The following SNRNP200 variants were observed in gnomAD, a reference collection of about 807,000 sequenced individuals.
SNRNP200 encodes the protein U5 small nuclear ribonucleoprotein 200 kDa helicase.
In SNRNP200, 66 loss-of-function variants were observed where a neutral mutation model predicts 255.2. That is an observed-to-expected ratio of 0.26 (90% confidence interval 0.21 to 0.32). The LOEUF is 0.32. Ranked by LOEUF, SNRNP200 falls within the 10% of genes least tolerant of loss-of-function variation. The pLI is 1.00. For missense variants in SNRNP200, 1,585 were observed against 2,749.8 expected (o/e 0.58, Z 9.47); for synonymous variants, 939 against 1,027.8 (o/e 0.91, Z 1.65).
At chr2:96,298,137 T>G in intron 9 of SNRNP200, 147 bp downstream of exon 9, 1 of 1,157,018 alleles carries the variant, frequency 8.6e-7, no homozygotes. Context: ...GATGTGTTGA[T>G]TCTAACCTGT....
At position 96,290,250 on chromosome 2, in the gene SNRNP200, A is replaced by G. The variant is rs2063876068; in HGVS notation, c.2742+76T>C. On this transcript the variant is annotated intron_variant, in intron 20 of 44. Coordinates refer to ENST00000323853, the MANE Select transcript of SNRNP200 (RefSeq NM_014014.5). The surrounding 1 kb of genome is among the most constrained non-coding windows in gnomAD (Gnocchi z 4.5). Reference sequence around the variant, plus strand: ...CTCGGACGCTGCTGGCCCGCAGCACAATAGGGACCGACCCACTCCTGGTGC... The same window carrying G: ...CTCGGACGCTGCTGGCCCGCAGCACGATAGGGACCGACCCACTCCTGGTGC... 2.0e-6 allele frequency: 3 copies of G among 1,517,932 alleles called. No homozygotes were observed. Among genetic ancestry groups the G allele is most frequent in the African/African-American group, 1.4e-5 (1 of 72,946 alleles). 94.0% of individuals were successfully genotyped at this position (1,517,932 alleles called of 1,614,324 possible). A position where few individuals can be genotyped will look rare whatever the true frequency, so the allele number is the denominator to read the frequency against.
In SNRNP200 at chr2:96,277,964, G is replaced by GA; in HGVS notation, c.5611-15dup. On this transcript the variant is annotated splice_polypyrimidine_tract_variant and intron_variant, in intron 39 of 44. Transcript: ENST00000323853. The surrounding 1 kb of genome is among the most constrained non-coding windows in gnomAD (Gnocchi z 4.4). ...CTTCTGAGCCAACTACAAAGTGGAA[G>GA]AAAAATAGCTGGTGATGAACAGGTG... 1 of 1,614,200 alleles carries GA rather than the reference G, an allele frequency of 6.2e-7. No homozygotes were observed. The highest frequency in any genetic ancestry group is 8.5e-7 in the Non-Finnish European group (1 of 1,180,036).
chr2:96,274,968 T>A lies in SNRNP200; in HGVS notation c.*44A>T. 6.2e-7 allele frequency: 1 copy of A among 1,609,934 alleles called. No homozygotes were observed. The highest frequency in any genetic ancestry group is 8.5e-7 in the Non-Finnish European group (1 of 1,177,766). On this transcript the variant is annotated 3_prime_UTR_variant, in exon 45 of 45. Coordinates refer to ENST00000323853, the MANE Select transcript of SNRNP200 (RefSeq NM_014014.5). ...ATTCCTACAATGTACACATTCCTAA[T>A]TCAGGCTCAACTCTCCTTTACCCAA...
Position 96,297,461 on chromosome 2 carries a change from G to A in SNRNP200, c.1279C>T (p.Arg427Cys). 1.9e-6 allele frequency: 3 copies of A among 1,614,124 alleles called. No homozygotes were observed. Among genetic ancestry groups the A allele is most frequent in the Non-Finnish European group, 2.5e-6 (3 of 1,180,008 alleles). The change falls in exon 11 of 45, where the codon CGC (arginine) becomes TGC (cysteine). Residue 427 changes from arginine (R) to cysteine (C), a missense_variant. By Grantham distance (180) the Arg-to-Cys change is radical. This residue lies in a region of SNRNP200 where 383 missense variants were observed against 645.3 expected (regional missense o/e 0.59). Coordinates refer to ENST00000323853, the MANE Select transcript of SNRNP200 (RefSeq NM_014014.5). ...TQGSHFMANK[R>C]CQLPDGSFRR... The stretch of plus-strand genomic sequence containing the variant: ...AAGGATCCATCAGGAAGCTGACAGC[G>A]TTTATTGGCCATAAAGTGGCTCCCT...
Position 96,298,902 on chromosome 2 carries a change from T to C in SNRNP200, c.795A>G (p.Ala265=). ...KKDLHPRDID[A]FWLQRQLSRF... is the part of the protein sequence containing the mutation. ...GACTGAGCTGCCGCTGCAGCCAAAA[T>C]GCATCAATATCCCGAGGGTGCAAAT... The change falls in exon 7 of 45, where the codon GCA becomes GCG. Residue 265 remains alanine (A), a synonymous_variant. Coordinates refer to ENST00000323853, the MANE Select transcript of SNRNP200 (RefSeq NM_014014.5). 2 of 1,614,184 alleles carry C rather than the reference T, an allele frequency of 1.2e-6. No individual in the cohort carries two copies. The highest frequency in any genetic ancestry group is 1.6e-4 in the Middle Eastern group (1 of 6,062).
chr2:96,301,588 A>G lies in SNRNP200; in HGVS notation c.510T>C (p.His170=), dbSNP rs916125384. ...LLGQTDDTRY[H]VLVNLGKKIT... Reference sequence around the variant, plus strand: ...TCTTTTTGCCCAGGTTCACTAGCACATGGTATCTGGTATCATCTGTTTGAC... The same window carrying G: ...TCTTTTTGCCCAGGTTCACTAGCACGTGGTATCTGGTATCATCTGTTTGAC... Residue 170 remains histidine (H), a synonymous_variant, in exon 4 of 45, where the codon CAT becomes CAC. Coordinates refer to ENST00000323853, the MANE Select transcript of SNRNP200 (RefSeq NM_014014.5). 2.5e-6 allele frequency: 4 copies of G among 1,614,190 alleles called. No individual in the cohort carries two copies. The highest frequency in any genetic ancestry group is 2.2e-5 in the East Asian group (1 of 44,884).
Position 96,283,692 on chromosome 2 carries a change from G to C in SNRNP200, c.4606C>G (p.Gln1536Glu). ...HIQGFNISHTQTRLLSMAKPV... is the reference protein window; with the variant it reads ...HIQGFNISHTETRLLSMAKPV... ...TTGGCCATGGAGAGCAGGCGGGTTT[G>C]TGTATGGCTGATGTTGAAGCCCTGG... is the stretch of plus-strand genomic sequence containing the variant. The change falls in exon 33 of 45, where the codon CAA (glutamine) becomes GAA (glutamate). Residue 1536 changes from glutamine to glutamate, a missense_variant. By Grantham distance (29) the Gln-to-Glu change is conservative (BLOSUM62 2). Around this residue, in one of 9 missense-constraint regions of SNRNP200, gnomAD observed 719 missense variants for 1,091.1 expected, o/e 0.66. Coordinates refer to ENST00000323853, the MANE Select transcript of SNRNP200 (RefSeq NM_014014.5). The surrounding 1 kb of genome is among the most constrained non-coding windows in gnomAD (Gnocchi z 4.7). The C allele has an allele frequency of 6.2e-7, 1 of 1,614,068 alleles. No homozygotes were observed. The highest frequency in any genetic ancestry group is 2.2e-5 in the East Asian group (1 of 44,886).
At position 96,287,541 on chromosome 2, in the gene SNRNP200, G is replaced by A; in HGVS notation, c.3382C>T (p.Pro1128Ser). The change falls in exon 26 of 45, where the codon CCT becomes TCT. Residue 1128 changes from proline (P) to serine (S), a missense_variant. Coordinates refer to ENST00000323853, the MANE Select transcript of SNRNP200 (RefSeq NM_014014.5). This position sits in a 1 kb window ranked among gnomAD's most constrained non-coding sequence, Gnocchi z 5.7. The part of the protein sequence containing the change: ...IDKRMWQSMC[P>S]LRQFRKLPEE... The stretch of plus-strand genomic sequence containing the variant: ...GGGAGTTTCCGGAACTGGCGCAGAG[G>A]ACACATGGACTGCCACCTATCCAGG... 1 of 1,613,822 alleles carries A rather than the reference G, an allele frequency of 6.2e-7. No homozygotes were observed. Among genetic ancestry groups the A allele is most frequent in the South Asian group, 1.1e-5 (1 of 91,064 alleles).
Position 96,291,451 on chromosome 2 carries a change from C to G in SNRNP200, c.2362G>C (p.Gly788Arg). Residue 788 changes from glycine to arginine, a missense_variant, in exon 18 of 45, where the codon GGC becomes CGC. Physicochemically the swap from Gly to Arg is moderately radical, Grantham distance 125 (BLOSUM62 -2). Coordinates refer to ENST00000323853, the MANE Select transcript of SNRNP200 (RefSeq NM_014014.5). This position sits in a 1 kb window ranked among gnomAD's most constrained non-coding sequence, Gnocchi z 4.2. ...AGTGTTCGGTCAACCCTGGTCATGC[C>G]TGCGTGATGAATAGCAAAGCCATAA... The part of the protein sequence containing the change: ...LPYGFAIHHA[G>R]MTRVDRTLVE... 1 of 1,613,780 alleles carries G rather than the reference C, an allele frequency of 6.2e-7. No homozygotes were observed. The highest frequency in any genetic ancestry group is 2.2e-5 in the East Asian group (1 of 44,878).
intron 24 of SNRNP200, among the ~76,000 whole-genome samples, chr2:96,288,171 C>A (rs985694377): frequency 6.6e-6 from 1 of 152,172 alleles, no homozygotes; most frequent in Non-Finnish European, 1.5e-5. Context: ...AAGAGTGCTG[C>A]GGCTCAAGGT....
chr2:96,285,231 G>T lies in SNRNP200; in HGVS notation c.4113C>A (p.Ser1371Arg), dbSNP rs764813333. The T allele has an allele frequency of 6.2e-7, 1 of 1,614,168 alleles. No homozygotes were observed. Among genetic ancestry groups the T allele is most frequent in the Non-Finnish European group, 8.5e-7 (1 of 1,180,030 alleles). The change falls in exon 30 of 45, where the codon AGC (serine) becomes AGA (arginine). Residue 1371 changes from serine to arginine, a missense_variant. Around this residue, in one of 9 missense-constraint regions of SNRNP200, gnomAD observed 719 missense variants for 1,091.1 expected, o/e 0.66. Coordinates refer to ENST00000323853, the MANE Select transcript of SNRNP200 (RefSeq NM_014014.5). ...EFAILRMLLQ[S>R]SEGRCVYITP... is the part of the protein sequence containing the mutation. ...TGATGTACACACAGCGCCCCTCCGAGCTCTGCAGCAGCATTCGCAGGATGG... is the reference window on the plus strand; with the variant it reads ...TGATGTACACACAGCGCCCCTCCGATCTCTGCAGCAGCATTCGCAGGATGG...
chr2:96,282,529 C>T (rs929767453), intron 34 of SNRNP200: 3 of 176,112 alleles, frequency 1.7e-5, no homozygotes, highest in Non-Finnish European at 2.5e-5. Context: ...CACCAAATCT[C>T]GTCGACCTGT....
In SNRNP200 at chr2:96,283,271, A is replaced by G; in HGVS notation, c.4845T>C (p.Asn1615=). 6.2e-7 allele frequency: 1 copy of G among 1,613,850 alleles called. No individual in the cohort carries two copies. The highest frequency in any genetic ancestry group is 8.5e-7 in the Non-Finnish European group (1 of 1,180,010). The change falls in exon 34 of 45, where the codon AAT becomes AAC. Residue 1615 remains asparagine (N), a synonymous_variant. Coordinates refer to ENST00000323853, the MANE Select transcript of SNRNP200 (RefSeq NM_014014.5). This position sits in a 1 kb window ranked among gnomAD's most constrained non-coding sequence, Gnocchi z 4.7. ...SDSTLKETLL[N]GVGYLHEGLS... is the part of the protein sequence containing the mutation. Reference sequence around the variant, plus strand: ...GCCCCTCATGCAGGTAGCCCACCCCATTTAGCAGCGTTTCCTTGAGCGTGC... The same window carrying G: ...GCCCCTCATGCAGGTAGCCCACCCCGTTTAGCAGCGTTTCCTTGAGCGTGC...
intron 11 of SNRNP200, 130 bp downstream of exon 11, chr2:96,297,233 G>A: frequency 6.7e-7 from 1 of 1,492,342 alleles, no homozygotes; most frequent in Non-Finnish European, 9.2e-7. Flanking sequence ...AAATCAGAAT[G>A]GGAAAATTCT....
rs370652149 is a variant in SNRNP200, at chr2:96,290,660, G to A, written c.2553+24C>T. ...AGGCAAGGATACTGATCCCTGCTGA[G>A]AATAAACTCAAAAGGCTCTGTACCT... On this transcript the variant is annotated intron_variant, in intron 19 of 44. Coordinates refer to ENST00000323853, the MANE Select transcript of SNRNP200 (RefSeq NM_014014.5). The surrounding 1 kb of genome is among the most constrained non-coding windows in gnomAD (Gnocchi z 4.5). The A allele has an allele frequency of 3.1e-6, 5 of 1,614,008 alleles. No individual in the cohort carries two copies. The African/African-American group carries it at 4.0e-5, about 13-fold the overall frequency.
At chr2:96,284,774 A>G in intron 30 of SNRNP200, 189 bp from the exon 31 acceptor site, 1 of 601,592 alleles carries the variant, frequency 1.7e-6, no homozygotes. Flanking sequence ...TTTGAGATGA[A>G]GTCTCGCTCT....
At chr2:96,275,482 A>C (rs1684639963) in intron 43 of SNRNP200, 133 bp from the exon 44 acceptor site, 6 of 787,498 alleles carry the variant, frequency 7.6e-6, no homozygotes, top group South Asian at 4.4e-5. Flanking sequence ...AAATACAATT[A>C]GATTTAACAT....
At chr2:96,282,461 C>G (rs2063808309) in intron 34 of SNRNP200, 1 of 181,176 alleles carries the variant, frequency 5.5e-6, no homozygotes, top group African/African-American at 2.4e-5. Flanking sequence ...CAGAGCTCTC[C>G]TCTGTGCTAA....
In SNRNP200 at chr2:96,299,396, C is replaced by T. The variant is rs1574000471; in HGVS notation, c.662G>A (p.Arg221Gln). ...EGDEDVYGEV[R>Q]EEASDDDMEG... ...CATGTCATCATCAGATGCCTCTTCT[C>T]GAACCTCCCCGTATACGTCTTCATC... Residue 221 changes from arginine to glutamine, a missense_variant, in exon 6 of 45, where the codon CGA (arginine) becomes CAA (glutamine). By Grantham distance (43) the Arg-to-Gln change is conservative (BLOSUM62 1). This residue lies in a region of SNRNP200 where 383 missense variants were observed against 645.3 expected (regional missense o/e 0.59). Coordinates refer to ENST00000323853, the MANE Select transcript of SNRNP200 (RefSeq NM_014014.5). 1.9e-6 allele frequency: 3 copies of T among 1,614,060 alleles called. No homozygotes were observed. The highest frequency in any genetic ancestry group is 2.5e-6 in the Non-Finnish European group (3 of 1,180,004).
Sources: allele counts gnomAD v4.1 joint callset (sites outside exome capture counted in the v4.1 genomes callset), GRCh38; gene constraint gnomAD v4.1.1; regional missense constraint gnomAD v4.1.1; non-coding constraint Gnocchi (gnomAD v3.1); transcripts MANE v1.5; gene names NCBI Gene and HGNC (gene_info 2026-07-23, HGNC 2026-07-21).